RIT2: variants seen among roughly 807,000 people sequenced by gnomAD.
The protein encoded by RIT2 is GTP-binding protein Rit2.
RIT2 carries 24 observed loss-of-function variants against 23.7 expected under a neutral mutation model. The ratio of observed to expected loss-of-function variants is 1.01; its 90% CI spans 0.73 to 1.43. The LOEUF (loss-of-function observed/expected upper bound fraction) is 1.43, where lower values mean the gene tolerates loss of function less well. Among genes scored for constraint, RIT2 ranks in the 40% most tolerant of loss-of-function variants. The pLI, the probability that RIT2 is intolerant of heterozygous loss-of-function variation, is 0.00. For missense variants in RIT2, 236 were observed against 266.9 expected (o/e 0.88, Z 0.81); for synonymous variants, 107 against 91.1 (o/e 1.17, Z -0.99).
chr18:42,873,152 G>A (rs1161333465), intron 4 of RIT2, among the ~76,000 whole-genome samples: 1 of 152,112 alleles, frequency 6.6e-6, no homozygotes, highest in East Asian at 1.9e-4. Context: ...AATTCAAGAT[G>A]CTGTTTAATA....
intron 1 of RIT2, among the ~76,000 whole-genome samples, chr18:43,104,637 T>C (rs1913765865): frequency 6.6e-6 from 1 of 152,166 alleles, no homozygotes; most frequent in Non-Finnish European, 1.5e-5. Flanking sequence ...AAATCCCTAA[T>C]ATTTTTCCAC....
chr18:42,989,177 G>A (rs1470861399), intron 2 of RIT2, among the ~76,000 whole-genome samples: 1 of 152,072 alleles, frequency 6.6e-6, no homozygotes, highest in Non-Finnish European at 1.5e-5. Flanking sequence ...TATAGAAGGA[G>A]GACAAAAAGT....
chr18:42,952,023 C>A (rs548919097), intron 3 of RIT2, among the ~76,000 whole-genome samples: 1 of 152,168 alleles, frequency 6.6e-6, no homozygotes, highest in South Asian at 2.1e-4. Flanking sequence ...ACCATTGGAT[C>A]TCCTAAGATG....
intron 4 of RIT2, among the ~76,000 whole-genome samples, chr18:42,873,013 A>T (rs892347220): frequency 6.6e-6 from 1 of 152,064 alleles, no homozygotes; most frequent in African/African-American, 2.4e-5. Context: ...CATGATCCAC[A>T]CTCTGAAAGC....
intron 4 of RIT2, among the ~76,000 whole-genome samples, chr18:42,841,139 T>C (rs947197967): frequency 1.7e-4 from 26 of 152,196 alleles, no homozygotes; most frequent in African/African-American, 6.3e-4. Context: ...ATGAATGATG[T>C]CAATGATGTT....
At chr18:42,811,964 T>C (rs550822330) in intron 4 of RIT2, among the ~76,000 whole-genome samples, 16 of 152,242 alleles carry the variant, frequency 1.1e-4, no homozygotes, top group Non-Finnish European at 2.2e-4. Flanking sequence ...TCTTCATAAA[T>C]ATGAAAGTCA....
chr18:42,885,808 A>G (rs563509492), intron 4 of RIT2, among the ~76,000 whole-genome samples: 2 of 152,306 alleles, frequency 1.3e-5, no homozygotes, highest in African/African-American at 4.8e-5. Context: ...TGCATATACA[A>G]TTTCTGTGAT....
At chr18:43,003,108 G>T (rs1477897529) in intron 2 of RIT2, among the ~76,000 whole-genome samples, 7 of 152,002 alleles carry the variant, frequency 4.6e-5, no homozygotes, top group African/African-American at 1.7e-4. Context: ...AGGCTGGCTG[G>T]TACCTTGATG....
At chr18:42,820,158 T>C (rs1906108146) in intron 4 of RIT2, among the ~76,000 whole-genome samples, 1 of 152,146 alleles carries the variant, frequency 6.6e-6, no homozygotes, top group Non-Finnish European at 1.5e-5. Flanking sequence ...CCATGGATAA[T>C]GAACCCACAG....
At chr18:42,743,933 T>A (rs542688087) in intron 4 of RIT2, among the ~76,000 whole-genome samples, 2 of 152,100 alleles carry the variant, frequency 1.3e-5, no homozygotes, top group Non-Finnish European at 2.9e-5. Flanking sequence ...CTGATTACAT[T>A]CCACCACAAA....
chr18:43,114,659 T>C (rs1162070050), intron 1 of RIT2, among the ~76,000 whole-genome samples: 1 of 152,184 alleles, frequency 6.6e-6, no homozygotes, highest in Admixed American at 6.5e-5. Flanking sequence ...CTACTATGTA[T>C]CTATTTTTTT....
intron 2 of RIT2, among the ~76,000 whole-genome samples, chr18:42,978,450 C>G (rs545635155): frequency 7.9e-5 from 12 of 151,944 alleles, no homozygotes; most frequent in Admixed American, 2.0e-4. Flanking sequence ...TCATTCACTC[C>G]CTTTGAGACC....
intron 3 of RIT2, among the ~76,000 whole-genome samples, chr18:42,963,386 G>T (rs1022057773): frequency 6.6e-6 from 1 of 152,134 alleles, no homozygotes; most frequent in Admixed American, 6.5e-5. Flanking sequence ...AATCCATGAG[G>T]GGTCAAGACA....
intron 4 of RIT2, among the ~76,000 whole-genome samples, chr18:42,843,798 T>A (rs1345515975): frequency 6.6e-6 from 1 of 152,160 alleles, no homozygotes; most frequent in Non-Finnish European, 1.5e-5. Context: ...ACAGGGTCTG[T>A]CAGCTCAAGA....
chr18:43,063,818 A>G (rs2144326115), intron 1 of RIT2, among the ~76,000 whole-genome samples: 1 of 152,300 alleles, frequency 6.6e-6, no homozygotes, highest in East Asian at 1.9e-4. Flanking sequence ...GTAAGTCAAA[A>G]GTGGGCTGTG....
At chr18:42,791,657 C>T (rs896840093) in intron 4 of RIT2, among the ~76,000 whole-genome samples, 7 of 152,162 alleles carry the variant, frequency 4.6e-5, no homozygotes, top group African/African-American at 1.7e-4. Flanking sequence ...AATATGAATA[C>T]ATTTTGTTGA....
At chr18:43,033,526 A>C (rs894716322) in intron 2 of RIT2, among the ~76,000 whole-genome samples, 35 of 152,168 alleles carry the variant, frequency 2.3e-4, no homozygotes, top group African/African-American at 7.7e-4. Flanking sequence ...TCTCAAATGC[A>C]GATAGATATC....
intron 4 of RIT2, among the ~76,000 whole-genome samples, chr18:42,818,523 T>C (rs889342366): frequency 1.3e-5 from 2 of 152,068 alleles, no homozygotes; most frequent in Non-Finnish European, 2.9e-5. Flanking sequence ...ACTAAGTCTT[T>C]GCAGAGGTCA....
chr18:42,926,497 A>C (rs1176398601), intron 3 of RIT2, among the ~76,000 whole-genome samples: 2 of 152,000 alleles, frequency 1.3e-5, no homozygotes, highest in East Asian at 3.9e-4. Flanking sequence ...TGTGAGACAT[A>C]AGAAAAAGAG....
Sources: gnomAD v4.1 joint callset for allele counts (sites outside exome capture counted in the v4.1 genomes callset) on GRCh38, gnomAD v4.1.1 for gene constraint, MANE v1.5 for transcripts, NCBI Gene and HGNC (gene_info 2026-07-23, HGNC 2026-07-21) for gene names.